The following LRP1B variants were observed in gnomAD, a reference collection of about 807,000 sequenced individuals.
LRP1B encodes the protein LDL receptor related protein 1B, also known as low-density lipoprotein receptor-related protein 1B.
A neutral mutation model predicts 556.6 loss-of-function variants in LRP1B; 217 were observed. The observed-to-expected ratio is 0.39, with a 90% CI of 0.35 to 0.44. LRP1B has a LOEUF of 0.44. Ranked by LOEUF, LRP1B falls within the 20% of genes least tolerant of loss-of-function variation. The pLI is 1.00. For missense variants in LRP1B, 5,053 were observed against 5,620.8 expected, an observed-to-expected ratio of 0.90 and a Z score of 3.23; for synonymous variants, 2,047 against 1,865.8, an observed-to-expected ratio of 1.10 and a Z score of -2.50.
At chr2:140,650,080 G>T in intron 41 of LRP1B, among the ~76,000 whole-genome samples, 1 of 151,776 alleles carries the variant, frequency 6.6e-6, no homozygotes. Context: ...TATTCTAAAA[G>T]TAAGCTACAC....
chr2:141,009,866 C>A (rs1208075089), intron 14 of LRP1B, among the ~76,000 whole-genome samples: 1 of 151,886 alleles, frequency 6.6e-6, no homozygotes, highest in Non-Finnish European at 1.5e-5. Flanking sequence ...ATTAAATTGG[C>A]CACACAAATT....
At chr2:142,092,107 T>C (rs1038384805) in intron 1 of LRP1B, among the ~76,000 whole-genome samples, 1 of 152,226 alleles carries the variant, frequency 6.6e-6, no homozygotes, top group Non-Finnish European at 1.5e-5. Context: ...ATCTCCACGC[T>C]GATTTCATCC....
chr2:141,014,260 G>A (rs1307221631), intron 13 of LRP1B, among the ~76,000 whole-genome samples: 1 of 151,942 alleles, frequency 6.6e-6, no homozygotes, highest in African/African-American at 2.4e-5. Context: ...TCTTGGATCT[G>A]GCAGAAAAGA....
intron 41 of LRP1B, among the ~76,000 whole-genome samples, chr2:140,614,948 C>A (rs911821344): frequency 2.0e-5 from 3 of 152,134 alleles, no homozygotes; most frequent in Admixed American, 2.0e-4. Context: ...TGGGCATAGG[C>A]CAAGCTATCT....
At chr2:140,629,692 C>T (rs2105273390) in intron 41 of LRP1B, among the ~76,000 whole-genome samples, 1 of 152,210 alleles carries the variant, frequency 6.6e-6, no homozygotes, top group South Asian at 2.1e-4. Context: ...AGCTTCAGGA[C>T]TACAAACACA....
At chr2:141,287,492 C>A (rs1190465442) in intron 3 of LRP1B, among the ~76,000 whole-genome samples, 1 of 151,732 alleles carries the variant, frequency 6.6e-6, no homozygotes, top group Non-Finnish European at 1.5e-5. Flanking sequence ...CCTATTTTTG[C>A]TTTCTAATAT....
chr2:141,219,311 G>A (rs139759645), intron 6 of LRP1B, among the ~76,000 whole-genome samples: 74 of 152,344 alleles, frequency 4.9e-4, no homozygotes, highest in East Asian at 3.9e-3. Flanking sequence ...CCCCCACAGC[G>A]AAGCACAGCA....
At chr2:141,458,614 G>C (rs1681728523) in intron 3 of LRP1B, among the ~76,000 whole-genome samples, 1 of 151,800 alleles carries the variant, frequency 6.6e-6, no homozygotes, top group Admixed American at 6.6e-5. Context: ...AAAGGAGAAA[G>C]TATCTAATAG....
intron 32 of LRP1B, among the ~76,000 whole-genome samples, chr2:140,787,009 A>G (rs939051831): frequency 6.6e-6 from 1 of 152,236 alleles, no homozygotes; most frequent in East Asian, 1.9e-4. Flanking sequence ...TGTTACCTAC[A>G]ATTATTTTCA....
chr2:141,939,392 G>A (rs1209347386), intron 1 of LRP1B, among the ~76,000 whole-genome samples: 4 of 152,076 alleles, frequency 2.6e-5, no homozygotes, highest in Non-Finnish European at 5.9e-5. Flanking sequence ...ACAGAGGACT[G>A]TGTATGTATG....
At chr2:142,130,188 C>G (rs889986692) in intron 1 of LRP1B, among the ~76,000 whole-genome samples, 1 of 152,200 alleles carries the variant, frequency 6.6e-6, no homozygotes, top group Non-Finnish European at 1.5e-5. Flanking sequence ...TTTCGCCGCT[C>G]CACGGACCTC....
chr2:140,314,240 T>C (rs1684423610), intron 83 of LRP1B, among the ~76,000 whole-genome samples: 1 of 151,978 alleles, frequency 6.6e-6, no homozygotes, highest in African/African-American at 2.4e-5. Flanking sequence ...GCACTAAATA[T>C]TGGAATTTGC....
chr2:141,637,075 G>T (rs1437257318), intron 2 of LRP1B, among the ~76,000 whole-genome samples: 1 of 152,052 alleles, frequency 6.6e-6, no homozygotes, highest in Non-Finnish European at 1.5e-5. Flanking sequence ...ATGTAAACAC[G>T]TCTTTTTTTA....
At chr2:140,655,672 G>T (rs1684852090) in intron 41 of LRP1B, among the ~76,000 whole-genome samples, 1 of 152,238 alleles carries the variant, frequency 6.6e-6, no homozygotes, top group Non-Finnish European at 1.5e-5. Flanking sequence ...GCCAGGCGCG[G>T]TGGCTCACGC....
chr2:141,629,887 C>A (rs1411413173), intron 2 of LRP1B, among the ~76,000 whole-genome samples: 1 of 152,058 alleles, frequency 6.6e-6, no homozygotes, highest in Non-Finnish European at 1.5e-5. Context: ...TTGATTAAAT[C>A]CTCTGTTCCC....
At chr2:140,367,684 G>A (rs1345764262) in intron 71 of LRP1B, among the ~76,000 whole-genome samples, 2 of 151,768 alleles carry the variant, frequency 1.3e-5, no homozygotes, top group African/African-American at 4.8e-5. Flanking sequence ...AAAGAGATGA[G>A]TATCAGTATG....
intron 11 of LRP1B, among the ~76,000 whole-genome samples, chr2:141,040,634 T>A (rs766341721): frequency 2.0e-5 from 3 of 151,966 alleles, no homozygotes; most frequent in Non-Finnish European, 4.4e-5. Context: ...TGTGCGCACA[T>A]GTGTATGTGT....
In LRP1B at chr2:141,060,701, A is replaced by G. The variant is rs1252277817; in HGVS notation, c.1236+1350T>C. 3.3e-5 allele frequency among the ~76,000 whole-genome samples: 5 copies of G among 151,676 alleles called. No individual in the cohort carries two copies. In the East Asian group the frequency reaches 7.8e-4, roughly 24 times the overall value. On this transcript the variant is annotated intron_variant, in intron 8 of 90. Coordinates refer to ENST00000389484, the MANE Select transcript of LRP1B (RefSeq NM_018557.3). The stretch of plus-strand genomic sequence containing the variant: ...AAACATGTTCACCCAGTAAAGATAA[A>G]ATTCACTCACTACCTCCCTATCTTC...
intron 1 of LRP1B, among the ~76,000 whole-genome samples, chr2:142,098,041 G>A (rs2104963084): frequency 6.6e-6 from 1 of 151,758 alleles, no homozygotes; most frequent in Non-Finnish European, 1.5e-5. Context: ...TGAAGAACAA[G>A]AATAAGCTAG....
Sources: allele counts gnomAD v4.1 joint callset (sites outside exome capture counted in the v4.1 genomes callset), GRCh38; gene constraint gnomAD v4.1.1; transcripts MANE v1.5; gene names NCBI Gene and HGNC (gene_info 2026-07-23, HGNC 2026-07-21).